The following TUBGCP2 variants were observed in gnomAD, a reference collection of about 807,000 sequenced individuals.
TUBGCP2 encodes the protein gamma-tubulin complex component 2.
TUBGCP2 carries 55 observed loss-of-function variants against 92.2 expected under a neutral mutation model. That is an observed-to-expected ratio of 0.60 (90% CI 0.48 to 0.75). The LOEUF (loss-of-function observed/expected upper bound fraction) is 0.75. Among genes scored for constraint, TUBGCP2 ranks in the 30% least tolerant of loss-of-function variants. The pLI, the probability that TUBGCP2 is intolerant of heterozygous loss-of-function variation, is 0.00. For missense variants in TUBGCP2, 1,093 were observed against 1,188.9 expected, an observed-to-expected ratio of 0.92 and a Z score of 1.19; for synonymous variants, 533 against 505.2, an observed-to-expected ratio of 1.06 and a Z score of -0.74.
intron 10 of TUBGCP2, 114 bp from the exon 11 acceptor site, chr10:133,288,423 C>T (rs1361501259): frequency 2.2e-6 from 3 of 1,336,860 alleles, no homozygotes; most frequent in East Asian, 2.5e-5. Context: ...AGGGAGCAGG[C>T]GTGAGCACGT....
At chr10:133,304,369 A>G (rs1047867360) in intron 1 of TUBGCP2, among the ~76,000 whole-genome samples, 1 of 151,986 alleles carries the variant, frequency 6.6e-6, no homozygotes, top group Non-Finnish European at 1.5e-5. Context: ...CAAACTTTAC[A>G]TGCTTCACAA....
At chr10:133,284,975 A>G in intron 13 of TUBGCP2, 110 bp downstream of exon 13, 1 of 1,461,316 alleles carries the variant, frequency 6.8e-7, no homozygotes, top group South Asian at 1.4e-5. Context: ...ACACTTCCAG[A>G]AGCCTAGAAA....
At chr10:133,310,826 G>C (rs1349866883), upstream of TUBGCP2, among the ~76,000 whole-genome samples, 1 of 151,454 alleles carries the variant, frequency 6.6e-6, no homozygotes, top group Non-Finnish European at 1.5e-5. Context: ...TTTTGAGACA[G>C]GGTCTTGCTC....
At chr10:133,283,041 G>T (rs191099166) in intron 15 of TUBGCP2, 37 bp downstream of exon 15, 1 of 1,610,780 alleles carries the variant, frequency 6.2e-7, no homozygotes, top group African/African-American at 1.3e-5. Flanking sequence ...GCCCACCCGC[G>T]CCTGCCCACC....
rs377700331 is a variant in TUBGCP2, at chr10:133,279,118, G to C, written c.*648C>G. 6.6e-6 allele frequency: 1 copy of C among 152,560 alleles called. No homozygotes were observed. Among genetic ancestry groups the C allele is most frequent in the East Asian group, 1.9e-4 (1 of 5,186 alleles). The allele number at this position is 152,560 out of a possible 1,614,324, so 9.5% of individuals were successfully genotyped here. On this transcript the variant is annotated 3_prime_UTR_variant, in exon 18 of 18. Coordinates refer to ENST00000252936, the MANE Select transcript of TUBGCP2 (RefSeq NM_006659.4). ...GTAACAAGGCGGTACCGGATAGGGC[G>C]GGGTGGGGTTTCCAGCCAGCAGCAG... is the stretch of plus-strand genomic sequence containing the variant.
At chr10:133,309,708 C>T, upstream of TUBGCP2, 2 of 1,570,796 alleles carry the variant, frequency 1.3e-6, no homozygotes, top group Non-Finnish European at 1.7e-6. Context: ...CAAAGGGAAA[C>T]TGTGCAGAAA....
chr10:133,283,724 G>A (rs1554934182), intron 14 of TUBGCP2, among the ~76,000 whole-genome samples, 158 bp downstream of exon 14: 2 of 14,832 alleles, frequency 1.3e-4, no homozygotes, highest in African/African-American at 2.1e-4. Context: ...TGCCTCTCCC[G>A]CACTCCCTGC....
intron 17 of TUBGCP2, 149 bp from the exon 18 acceptor site, chr10:133,280,050 TGGG>T: frequency 7.7e-7 from 1 of 1,306,002 alleles, no homozygotes; most frequent in Non-Finnish European, 1.0e-6. Context: ...ACAGTGGAGC[TGGG>T]GCACACACTC....
In TUBGCP2 at chr10:133,308,806, G is replaced by C. The variant is rs916467777; in HGVS notation, c.-40+17C>G. The C allele has an allele frequency of 2.9e-6, 2 of 687,990 alleles. No homozygotes were observed. Among genetic ancestry groups the C allele is most frequent in the South Asian group, 7.4e-5 (1 of 13,450 alleles). 42.6% of individuals were successfully genotyped at this position (687,990 alleles called of 1,614,324 possible). A position where few individuals can be genotyped will look rare whatever the true frequency, so the allele number is the denominator to read the frequency against. On this transcript the variant is annotated intron_variant, in intron 1 of 17. Coordinates refer to ENST00000252936, the MANE Select transcript of TUBGCP2 (RefSeq NM_006659.4). ...ACCCCCTCATCACGCCCGCGCCCGC[G>C]TTCGGCCAGGACTCACCGCAGTCCC...
At chr10:133,280,226 A>C (rs1029810777) in intron 17 of TUBGCP2, among the ~76,000 whole-genome samples, 2 of 152,212 alleles carry the variant, frequency 1.3e-5, no homozygotes, top group African/African-American at 4.8e-5. Context: ...AGGCACAAAC[A>C]CAGGTTTCTT....
chr10:133,283,194 G>A lies in TUBGCP2; in HGVS notation c.2173C>T (p.His725Tyr), dbSNP rs769184372. The A allele has an allele frequency of 1.9e-6, 3 of 1,614,238 alleles. No individual in the cohort carries two copies. The highest frequency in any genetic ancestry group is 3.3e-5 in the Admixed American group (2 of 60,032). ...CAGGTGTCCAGGAAGCCTGTGTGGTGGCCAAGGACGTCGTCAATGTTGGAG... is the reference window on the plus strand; with the variant it reads ...CAGGTGTCCAGGAAGCCTGTGTGGTAGCCAAGGACGTCGTCAATGTTGGAG... The part of the protein sequence containing the change: ...SASNIDDVLG[H>Y]HTGFLDTCLK... Residue 725 changes from histidine to tyrosine, a missense_variant, in exon 15 of 18, where the codon CAC (histidine) becomes TAC (tyrosine). Around this residue, in one of 3 missense-constraint regions of TUBGCP2, gnomAD observed 598 missense variants for 675.5 expected, o/e 0.89. Coordinates refer to ENST00000252936, the MANE Select transcript of TUBGCP2 (RefSeq NM_006659.4).
chr10:133,308,963 T>C, upstream of TUBGCP2: 1 of 1,240,496 alleles, frequency 8.1e-7, no homozygotes, highest in Middle Eastern at 3.1e-4. Context: ...CCCCCCGCGC[T>C]GTGCGCCCGC....
chr10:133,282,536 G>A (rs1052303542), intron 15 of TUBGCP2, among the ~76,000 whole-genome samples, 194 bp from the exon 16 acceptor site: 8 of 152,158 alleles, frequency 5.3e-5, no homozygotes, highest in African/African-American at 1.9e-4. Context: ...TACCTTCCAC[G>A]GTGACCAGCT....
chr10:133,297,984 G>A lies in TUBGCP2; in HGVS notation c.584C>T (p.Ala195Val). 6.2e-7 allele frequency: 1 copy of A among 1,613,860 alleles called. No individual in the cohort carries two copies. The highest frequency in any genetic ancestry group is 8.5e-7 in the Non-Finnish European group (1 of 1,179,906). ...CAAAGCGGTGTCTGTGCTGATGCCA[G>A]CACCAATCAGGAAATCCCCGATCAG... ...PALIGDFLIG[A>V]GISTDTALPI... Residue 195 changes from alanine (A) to valine (V), a missense_variant, in exon 5 of 18, where the codon GCT becomes GTT. Ala to Val is a moderately conservative substitution (Grantham distance 64). This residue lies in a region of TUBGCP2 where 490 missense variants were observed against 488.5 expected (regional missense o/e 1.00). Transcript: ENST00000252936.
At chr10:133,284,167 C>G (rs1188831120) in intron 13 of TUBGCP2, among the ~76,000 whole-genome samples, 165 bp from the exon 14 acceptor site, 2 of 152,216 alleles carry the variant, frequency 1.3e-5, no homozygotes, top group African/African-American at 4.8e-5. Flanking sequence ...CTCACGGCCG[C>G]TGCTCCTGCG....
chr10:133,306,871 T>A (rs558288522), intron 1 of TUBGCP2, among the ~76,000 whole-genome samples: 2 of 152,322 alleles, frequency 1.3e-5, no homozygotes, highest in South Asian at 4.1e-4. Flanking sequence ...TGCCCGCACG[T>A]CATGAGTGTT....
In TUBGCP2 at chr10:133,288,216, G is replaced by A. The variant is rs754653115; in HGVS notation, c.1635C>T (p.Asp545=). The stretch of plus-strand genomic sequence containing the variant: ...GCGCTTCCAGGCGAGGGGGCGTGAT[G>A]TCCTCCACCGGCTTCCGGAGCTCCT... ...AEEELRKPVE[D]ITPPRLEALL... Residue 545 remains aspartate (D), a synonymous_variant, in exon 11 of 18, where the codon GAC becomes GAT. Coordinates refer to ENST00000252936, the MANE Select transcript of TUBGCP2 (RefSeq NM_006659.4). The A allele has an allele frequency of 6.2e-7, 1 of 1,613,904 alleles. No individual in the cohort carries two copies. Among genetic ancestry groups the A allele is most frequent in the Non-Finnish European group, 8.5e-7 (1 of 1,179,968 alleles).
intron 1 of TUBGCP2, among the ~76,000 whole-genome samples, chr10:133,306,249 G>A (rs1034905042): frequency 1.3e-5 from 2 of 152,200 alleles, no homozygotes; most frequent in African/African-American, 4.8e-5. Context: ...AACTACTTGT[G>A]AAGCAGAAAA....
At position 133,293,645 on chromosome 10, in the gene TUBGCP2, G is replaced by A. The variant is rs138806049; in HGVS notation, c.741C>T (p.Leu247=). The change falls in exon 6 of 18, where the codon CTC becomes CTT. Residue 247 remains leucine (L), a synonymous_variant. Transcript: ENST00000252936. ...TGGACAGGTCCAGGTTGGGGTCCAC[G>A]AGGAAGGTCCGGCTCTGCCTCCCAG... ...PLAGRQSRTF[L]VDPNLDLSIR... 4.7e-3 allele frequency: 7,418 copies of A among 1,585,888 alleles called. 197 individuals carry two copies. The South Asian group carries it at 0.058, about 12-fold the overall frequency.
Sources: gnomAD v4.1 joint callset for allele counts (sites outside exome capture counted in the v4.1 genomes callset) on GRCh38, gnomAD v4.1.1 for gene constraint, gnomAD v4.1.1 regional missense constraint, MANE v1.5 for transcripts, NCBI Gene and HGNC (gene_info 2026-07-23, HGNC 2026-07-21) for gene names.